The following CFB variants were observed in gnomAD, a reference collection of about 807,000 sequenced individuals.
CFB encodes the protein complement factor B.
In CFB, 59 loss-of-function variants were observed where a neutral mutation model predicts 97.2. The observed-to-expected ratio is 0.61, with a 90% confidence interval of 0.49 to 0.75. The LOEUF is 0.75. CFB is among the 30% of genes least tolerant of loss of function. The pLI is 0.00. For synonymous variants in CFB, 316 were observed against 351.7 expected (o/e 0.90, Z 1.14); for missense variants, 771 against 959.8 (o/e 0.80, Z 2.60).
At chr6:31,949,665 T>G in intron 10 of CFB, 108 bp downstream of exon 10, 1 of 1,325,782 alleles carries the variant, frequency 7.5e-7, no homozygotes, top group Non-Finnish European at 1.1e-6. Context: ...GCCTTCTTCA[T>G]TCCTCCTTCT....
Position 31,946,120 on chromosome 6 carries a change from G to T in CFB, c.-102G>T. On this transcript the variant is annotated 5_prime_UTR_variant, in exon 1 of 18. Transcript: ENST00000425368. This position sits in a 1 kb window ranked among gnomAD's most constrained non-coding sequence, Gnocchi z 6.4. ...GGGAAGGGAATGTGACCAGGTCTAG[G>T]TCTGGAGTTTCAGCTTGGACACTGA... is the stretch of plus-strand genomic sequence containing the variant. 1 of 1,179,056 alleles carries T rather than the reference G, an allele frequency of 8.5e-7. No homozygotes were observed. Among genetic ancestry groups the T allele is most frequent in the Non-Finnish European group, 1.3e-6 (1 of 786,632 alleles). The allele number at this position is 1,179,056 out of a possible 1,614,324, so 73.0% of individuals were successfully genotyped here.
chr6:31,949,353 C>A lies in CFB; in HGVS notation c.1270+9C>A. ...AAGGGAGGATTATCTGGGTGAGTAA[C>A]CTGCCTAGGACCCAGCACCCCACTT... On this transcript the variant is annotated intron_variant, in intron 9 of 17. Transcript: ENST00000425368. 1.2e-6 allele frequency: 2 copies of A among 1,614,198 alleles called. No homozygotes were observed.
In CFB at chr6:31,946,911, G is replaced by T; in HGVS notation, c.299-96G>T. 1 of 1,301,536 alleles carries T rather than the reference G, an allele frequency of 7.7e-7. No homozygotes were observed. Among genetic ancestry groups the T allele is most frequent in the Admixed American group, 1.7e-5 (1 of 57,990 alleles). 80.6% of individuals were successfully genotyped at this position (1,301,536 alleles called of 1,614,324 possible). On this transcript the variant is annotated intron_variant, in intron 2 of 17. Transcript: ENST00000425368. The surrounding 1 kb of genome is among the most constrained non-coding windows in gnomAD (Gnocchi z 6.4). ...GCTGCTTCTGCGGGACTGGGAATGC[G>T]CTGTTTCTCAGTGACATGGTCTCCG...
rs1191785626 is a variant in CFB, at chr6:31,948,046, G to A, written c.862G>A (p.Gly288Arg). 3.7e-6 allele frequency: 6 copies of A among 1,614,124 alleles called. No homozygotes were observed. Among genetic ancestry groups the A allele is most frequent in the Non-Finnish European group, 5.1e-6 (6 of 1,180,016 alleles). ...SDSIGASNFT[G>R]AKKCLVNLIE... ...CAGCATTGGGGCCAGCAACTTCACA[G>A]GAGCCAAAAAGTGTCTAGTCAACTT... Residue 288 changes from glycine (G) to arginine (R), a missense_variant, in exon 6 of 18, where the codon GGA becomes AGA. By Grantham distance (125) the Gly-to-Arg change is moderately radical. Coordinates refer to ENST00000425368, the MANE Select transcript of CFB (RefSeq NM_001710.6).
Position 31,951,065 on chromosome 6 carries a change from G to A in CFB, c.1856-79G>A. 7 of 1,573,204 alleles carry A rather than the reference G, an allele frequency of 4.4e-6. No individual in the cohort carries two copies. Among genetic ancestry groups the A allele is most frequent in the Non-Finnish European group, 6.1e-6 (7 of 1,145,110 alleles). On this transcript the variant is annotated intron_variant, in intron 14 of 17. Coordinates refer to ENST00000425368, the MANE Select transcript of CFB (RefSeq NM_001710.6). The surrounding 1 kb of genome is among the most constrained non-coding windows in gnomAD (Gnocchi z 4.3). The stretch of plus-strand genomic sequence containing the variant: ...GAACCTAGCTCTAGAAGGGCTTAGG[G>A]GACATCTACTGAGTGACAAAGGCAA...
chr6:31,946,464 C>G lies in CFB; in HGVS notation c.156C>G (p.Leu52=). The G allele has an allele frequency of 6.2e-7, 1 of 1,613,062 alleles. No individual in the cohort carries two copies. Among genetic ancestry groups the G allele is most frequent in the Non-Finnish European group, 8.5e-7 (1 of 1,180,034 alleles). The change falls in exon 2 of 18, where the codon CTC becomes CTG. Residue 52 remains leucine (L), a synonymous_variant. Transcript: ENST00000425368. The surrounding 1 kb of genome is among the most constrained non-coding windows in gnomAD (Gnocchi z 6.4). ...TCAAAGGCGGCTCCTTCCGACTTCT[C>G]CAAGAGGGCCAGGCACTGGAGTACG... The part of the protein sequence containing the change: ...VEIKGGSFRL[L]QEGQALEYVC...
Position 31,951,611 on chromosome 6 carries a change from C to T in CFB, c.2139+7C>T. The T allele has an allele frequency of 1.2e-6, 2 of 1,614,178 alleles. No homozygotes were observed. Among genetic ancestry groups the T allele is most frequent in the Non-Finnish European group, 8.5e-7 (1 of 1,180,040 alleles). ...GAGAAGTCGTTTCATTCAAGTGAGT[C>T]CTCCCTTTCCTATCTGGGGAGATGC... On this transcript the variant is annotated splice_region_variant and intron_variant, in intron 17 of 17. Coordinates refer to ENST00000425368, the MANE Select transcript of CFB (RefSeq NM_001710.6). The surrounding 1 kb of genome is among the most constrained non-coding windows in gnomAD (Gnocchi z 4.3).
chr6:31,948,013 G>A lies in CFB; in HGVS notation c.829G>A (p.Gly277Arg), dbSNP rs1771545707. ...GSMNIYLVLDGSDSIGASNFT... is the reference protein window; with the variant it reads ...GSMNIYLVLDRSDSIGASNFT... ...CATGAACATCTACCTGGTGCTAGAT[G>A]GATCAGACAGCATTGGGGCCAGCAA... Residue 277 changes from glycine to arginine, a missense_variant, in exon 6 of 18, where the codon GGA becomes AGA. Physicochemically the swap from Gly to Arg is moderately radical, Grantham distance 125 (BLOSUM62 -2). Transcript: ENST00000425368. The A allele has an allele frequency of 1.2e-6, 2 of 1,614,074 alleles. No individual in the cohort carries two copies. Among genetic ancestry groups the A allele is most frequent in the Non-Finnish European group, 1.7e-6 (2 of 1,180,044 alleles).
At position 31,948,976 on chromosome 6, in the gene CFB, C is replaced by T. The variant is rs1771598865; in HGVS notation, c.1168+15C>T. 1 of 1,612,794 alleles carries T rather than the reference C, an allele frequency of 6.2e-7. No homozygotes were observed. Among genetic ancestry groups the T allele is most frequent in the African/African-American group, 1.3e-5 (1 of 74,886 alleles). Reference sequence around the variant, plus strand: ...CATGACTGATGGTCAGAAGGGACCTCTCTCCTGTCCCAGCCTCCCCACCTT... The same window carrying T: ...CATGACTGATGGTCAGAAGGGACCTTTCTCCTGTCCCAGCCTCCCCACCTT... On this transcript the variant is annotated intron_variant, in intron 8 of 17. Coordinates refer to ENST00000425368, the MANE Select transcript of CFB (RefSeq NM_001710.6).
At position 31,951,022 on chromosome 6, in the gene CFB, G is replaced by C. The variant is rs141485126; in HGVS notation, c.1855+78G>C. The C allele has an allele frequency of 6.3e-7, 1 of 1,579,072 alleles. No homozygotes were observed. Among genetic ancestry groups the C allele is most frequent in the Non-Finnish European group, 8.7e-7 (1 of 1,150,506 alleles). ...GCATGAGAGGGAGGTGCAATAGGAA[G>C]AGATGATGCCTGGCCCAGAACCTAG... On this transcript the variant is annotated intron_variant, in intron 14 of 17. Coordinates refer to ENST00000425368, the MANE Select transcript of CFB (RefSeq NM_001710.6). This position sits in a 1 kb window ranked among gnomAD's most constrained non-coding sequence, Gnocchi z 4.3.
At position 31,951,985 on chromosome 6, in the gene CFB, C is replaced by T. The variant is rs938567081; in HGVS notation, c.2250C>T (p.Pro750=). The part of the protein sequence containing the change: ...DFHINLFQVL[P]WLKEKLQDED... ...ACATCAACCTCTTTCAAGTGCTGCC[C>T]TGGCTGAAGGAGAAACTCCAAGATG... The change falls in exon 18 of 18, where the codon CCC becomes CCT. Residue 750 remains proline (P), a synonymous_variant. Coordinates refer to ENST00000425368, the MANE Select transcript of CFB (RefSeq NM_001710.6). This position sits in a 1 kb window ranked among gnomAD's most constrained non-coding sequence, Gnocchi z 4.3. The T allele has an allele frequency of 1.2e-6, 2 of 1,613,086 alleles. No homozygotes were observed. The highest frequency in any genetic ancestry group is 3.3e-5 in the Admixed American group (2 of 60,024).
Position 31,948,041 on chromosome 6 carries a change from T to TAGG in CFB, c.857_858insAGG (p.Phe286delinsLeuGly). The stretch of plus-strand genomic sequence containing the variant: ...TCAGACAGCATTGGGGCCAGCAACT[T>TAGG]CACAGGAGCCAAAAAGTGTCTAGTC... On this transcript the variant is annotated protein_altering_variant, in exon 6 of 18. Coordinates refer to ENST00000425368, the MANE Select transcript of CFB (RefSeq NM_001710.6). 6.2e-7 allele frequency: 1 copy of TAGG among 1,614,118 alleles called. No individual in the cohort carries two copies. The highest frequency in any genetic ancestry group is 1.1e-5 in the South Asian group (1 of 91,070).
rs188688680 is a variant in CFB, at chr6:31,950,781, G to A, written c.1778+9G>A. 4,810 of 1,613,072 alleles carry A rather than the reference G, an allele frequency of 3.0e-3. 22 individuals are homozygous for A. Among genetic ancestry groups the A allele is most frequent in the Non-Finnish European group, 3.0e-3 (3,490 of 1,180,030 alleles). On this transcript the variant is annotated intron_variant, in intron 13 of 17. Coordinates refer to ENST00000425368, the MANE Select transcript of CFB (RefSeq NM_001710.6). The stretch of plus-strand genomic sequence containing the variant: ...TATGGCCAGACTATCAGGTGAGAGC[G>A]TCCAGATCCCTGAGGAAAGGCTGGG...
rs148298609 is a variant in CFB at position 31,950,780 on chromosome 6, C to T, written c.1778+8C>T. The stretch of plus-strand genomic sequence containing the variant: ...ATATGGCCAGACTATCAGGTGAGAG[C>T]GTCCAGATCCCTGAGGAAAGGCTGG... On this transcript the variant is annotated splice_region_variant and intron_variant, in intron 13 of 17. Coordinates refer to ENST00000425368, the MANE Select transcript of CFB (RefSeq NM_001710.6). 6.6e-5 allele frequency: 107 copies of T among 1,613,042 alleles called. No individual in the cohort carries two copies. Among genetic ancestry groups the T allele is most frequent in the Middle Eastern group, 3.3e-4 (2 of 6,062 alleles).
rs1205693780 is a variant in CFB, at chr6:31,948,932, C to T, written c.1139C>T (p.Thr380Ile). 6.2e-7 allele frequency: 1 copy of T among 1,612,824 alleles called. No homozygotes were observed. Among genetic ancestry groups the T allele is most frequent in the African/African-American group, 1.3e-5 (1 of 74,874 alleles). The change falls in exon 8 of 18, where the codon ACC becomes ATC. Residue 380 changes from threonine to isoleucine, a missense_variant. Thr to Ile is a moderately conservative substitution (Grantham distance 89). Transcript: ENST00000425368. Reference sequence around the variant, plus strand: ...GTCCCTCCTGAAGGCTGGAACCGCACCCGCCATGTCATCATCCTCATGACT... The same window carrying T: ...GTCCCTCCTGAAGGCTGGAACCGCATCCGCCATGTCATCATCCTCATGACT... ...DDVPPEGWNR[T>I]RHVIILMTDG...
chr6:31,950,389 T>G lies in CFB; in HGVS notation c.1610T>G (p.Ile537Ser). The stretch of plus-strand genomic sequence containing the variant: ...ACTGTGGATGACAAGGAACACTCAA[T>G]CAAGGTCAGCGTAGGTAAGGATGCA... ...CFTVDDKEHS[I>S]KVSVGGEKRD... The change falls in exon 12 of 18, where the codon ATC becomes AGC. Residue 537 changes from isoleucine (I) to serine (S), a missense_variant. Physicochemically the swap from Ile to Ser is moderately radical, Grantham distance 142 (BLOSUM62 -2). Transcript: ENST00000425368. The G allele has an allele frequency of 1.2e-6, 2 of 1,612,842 alleles. No individual in the cohort carries two copies. The highest frequency in any genetic ancestry group is 1.7e-6 in the Non-Finnish European group (2 of 1,180,002).
rs1771724303 is a variant in CFB at position 31,950,946 on chromosome 6, T to G, written c.1855+2T>G. 1 of 1,612,810 alleles carries G rather than the reference T, an allele frequency of 6.2e-7. No individual in the cohort carries two copies. Reference sequence around the variant, plus strand: ...CAACTACCACTTGCCAGCAACAAAGTAAGACATACTTGGCAAGAGGATAAG... The same window carrying G: ...CAACTACCACTTGCCAGCAACAAAGGAAGACATACTTGGCAAGAGGATAAG... On this transcript the variant is annotated splice_donor_variant, in intron 14 of 17. Transcript: ENST00000425368. LOFTEE classifies it high-confidence loss of function.
rs112646781 is a variant in CFB at position 31,951,923 on chromosome 6, C to T, written c.2188C>T (p.Arg730Trp). Residue 730 changes from arginine to tryptophan, a missense_variant, in exon 18 of 18, where the codon CGG becomes TGG. By Grantham distance (101) the Arg-to-Trp change is moderately radical. Coordinates refer to ENST00000425368, the MANE Select transcript of CFB (RefSeq NM_001710.6). This position sits in a 1 kb window ranked among gnomAD's most constrained non-coding sequence, Gnocchi z 4.3. ...AGTGGATGTCTGCAAAAACCAGAAGCGGCAAAAGCAGGTACCTGCTCACGC... is the reference window on the plus strand; with the variant it reads ...AGTGGATGTCTGCAAAAACCAGAAGTGGCAAAAGCAGGTACCTGCTCACGC... The part of the protein sequence containing the change: ...GVVDVCKNQK[R>W]QKQVPAHARD... The T allele has an allele frequency of 1.5e-5, 25 of 1,612,976 alleles. No individual in the cohort carries two copies. The highest frequency in any genetic ancestry group is 5.5e-5 in the South Asian group (5 of 91,078).
At position 31,949,576 on chromosome 6, in the gene CFB, A is replaced by C. The variant is rs1483908914; in HGVS notation, c.1408+19A>C. The stretch of plus-strand genomic sequence containing the variant: ...ATGATCGGTAGGGAGATACAAGGGA[A>C]TAAAGAACACAACTCTCCTCAGGTT... On this transcript the variant is annotated intron_variant, in intron 10 of 17. Transcript: ENST00000425368. 1 of 1,612,742 alleles carries C rather than the reference A, an allele frequency of 6.2e-7. No homozygotes were observed. The highest frequency in any genetic ancestry group is 1.7e-5 in the Admixed American group (1 of 60,030).
Sources: allele counts gnomAD v4.1 joint callset, GRCh38; gene constraint gnomAD v4.1.1; non-coding constraint Gnocchi (gnomAD v3.1); transcripts MANE v1.5; gene names NCBI Gene and HGNC (gene_info 2026-07-23, HGNC 2026-07-21).